Variants in RADIL observed in about 807,000 individuals in gnomAD.
The protein encoded by RADIL is Rap associating with DIL domain, also known as ras-associating and dilute domain-containing protein.
Under a neutral mutation model 97.6 loss-of-function variants are expected in RADIL, and 99 were observed. The ratio of observed to expected loss-of-function variants is 1.01; its 90% CI spans 0.86 to 1.20. RADIL has a LOEUF of 1.20. RADIL is among the 50% of genes most tolerant of loss of function. RADIL has a pLI of 0.00. For synonymous variants in RADIL, 803 were observed against 691.8 expected, an observed-to-expected ratio of 1.16 and a Z score of -2.52; for missense variants, 1,765 against 1,498.9, an observed-to-expected ratio of 1.18 and a Z score of -2.93.
chr7:4,865,706 T>C, intron 2 of RADIL: 1 of 1,018,878 alleles, frequency 9.8e-7, no homozygotes, highest in Non-Finnish European at 1.6e-6. Flanking sequence ...GCATCTGTGA[T>C]TCCATCTTCT....
In RADIL at chr7:4,834,895, C is replaced by G; in HGVS notation, c.1128G>C (p.Pro376=). The change falls in exon 4 of 15, where the codon CCG becomes CCC. Residue 376 remains proline, a synonymous_variant. Transcript: ENST00000399583. This position sits in a 1 kb window ranked among gnomAD's most constrained non-coding sequence, Gnocchi z 6.0. ...CGGCCCCGCACAGCCGGCAGCTCTG[C>G]GGCACAGCCCGGAGGCGCGCCAAGG... The part of the protein sequence containing the change: ...ARALARLRAV[P]QSCRLCGAAL... The G allele has an allele frequency of 6.8e-7, 1 of 1,474,486 alleles. No homozygotes were observed. The highest frequency in any genetic ancestry group is 1.4e-5 in the South Asian group (1 of 72,066). The allele number at this position is 1,474,486 out of a possible 1,614,324, so 91.3% of individuals were successfully genotyped here.
In RADIL at chr7:4,847,473, CAT is replaced by C. The variant is rs555057621; in HGVS notation, c.536-10870_536-10869del. ...GTTACACATGAATTTACCTGTGACT[CAT>C]AAGTTCAACTCCTAGGTATATGCCC... is the stretch of plus-strand genomic sequence containing the variant. On this transcript the variant is annotated intron_variant, in intron 2 of 14. Coordinates refer to ENST00000399583, the MANE Select transcript of RADIL (RefSeq NM_018059.5). Among the ~76,000 whole-genome samples the C allele has an allele frequency of 1.1e-4, 16 of 152,254 alleles. No individual in the cohort carries two copies. In the East Asian group the frequency reaches 2.9e-3, roughly 28 times the overall value.
chr7:4,842,492 T>C lies in RADIL; in HGVS notation c.536-5887A>G, dbSNP rs1427441541. The stretch of plus-strand genomic sequence containing the variant: ...AAGGCAGTGCCTAGTGACCCGCTGC[T>C]GGCAGAGAGGGCAGGGCTCTGCGTG... On this transcript the variant is annotated intron_variant, in intron 2 of 14. Transcript: ENST00000399583. The surrounding 1 kb of genome is among the most constrained non-coding windows in gnomAD (Gnocchi z 4.5). Among the ~76,000 whole-genome samples the C allele has an allele frequency of 2.0e-5, 3 of 152,136 alleles. No individual in the cohort carries two copies. Among genetic ancestry groups the C allele is most frequent in the Admixed American group, 6.5e-5 (1 of 15,278 alleles).
intron 12 of RADIL, 120 bp from the exon 13 acceptor site, chr7:4,800,430 C>A: frequency 9.1e-7 from 1 of 1,100,860 alleles, no homozygotes; most frequent in Non-Finnish European, 1.2e-6. Flanking sequence ...TCCTGTGGCT[C>A]CCAGGAGACG....
intron 2 of RADIL, chr7:4,865,516 G>A (rs1019683332): frequency 2.4e-5 from 19 of 781,876 alleles, no homozygotes; most frequent in Admixed American, 5.2e-5. Flanking sequence ...GCAACTATGC[G>A]CAGCCAATAT....
intron 5 of RADIL, among the ~76,000 whole-genome samples, chr7:4,831,872 G>GTAAA (rs1222765190): frequency 7.0e-6 from 1 of 142,090 alleles, no homozygotes; most frequent in Non-Finnish European, 1.6e-5. Flanking sequence ...TGGCGATAGA[G>GTAAA]CAAACAAAAC....
intron 9 of RADIL, chr7:4,808,695 G>C: frequency 1.2e-6 from 1 of 831,348 alleles, no homozygotes; most frequent in Non-Finnish European, 1.4e-6. Context: ...CCGTTCCAAC[G>C]CCACTGCCCC....
intron 9 of RADIL, among the ~76,000 whole-genome samples, chr7:4,812,091 G>C (rs1030675126): frequency 1.3e-5 from 2 of 151,778 alleles, no homozygotes; most frequent in African/African-American, 4.8e-5. Context: ...ATGTTGCCCA[G>C]GCTGGTCTTG....
At chr7:4,807,296 C>T (rs1358471052) in intron 9 of RADIL, among the ~76,000 whole-genome samples, 2 of 152,000 alleles carry the variant, frequency 1.3e-5, no homozygotes, top group African/African-American at 4.8e-5. Flanking sequence ...CACCGGCCCC[C>T]ACCACCCTCA....
rs528259551 is a variant in RADIL at position 4,835,190 on chromosome 7, C to T, written c.833G>A (p.Arg278Gln). 1.9e-6 allele frequency: 3 copies of T among 1,611,888 alleles called. No homozygotes were observed. Among genetic ancestry groups the T allele is most frequent in the Admixed American group, 1.7e-5 (1 of 59,956 alleles). Residue 278 changes from arginine to glutamine, a missense_variant, in exon 4 of 15, where the codon CGG becomes CAG. Coordinates refer to ENST00000399583, the MANE Select transcript of RADIL (RefSeq NM_018059.5). This position sits in a 1 kb window ranked among gnomAD's most constrained non-coding sequence, Gnocchi z 5.8. ...LNRDRHTVGQ[R>Q]TPSSKPSISL... ...GATGCTGGGCTTGCTGGAGGGGGTC[C>T]GCTGGCCCACCGTGTGCCGGTCCCG...
In RADIL at chr7:4,802,001, G is replaced by T; in HGVS notation, c.2500-6C>A. ...AGGACCACGTGGTGCATACCCTAGG[G>T]AGAGGAAGGGTGACAGCTCAGGTAG... On this transcript the variant is annotated splice_region_variant and splice_polypyrimidine_tract_variant and intron_variant, in intron 11 of 14. Transcript: ENST00000399583. 6.7e-7 allele frequency: 1 copy of T among 1,497,378 alleles called. No individual in the cohort carries two copies. The highest frequency in any genetic ancestry group is 8.9e-7 in the Non-Finnish European group (1 of 1,124,668). The allele number at this position is 1,497,378 out of a possible 1,614,324, so 92.8% of individuals were successfully genotyped here.
chr7:4,818,964 G>A lies in RADIL; in HGVS notation c.1616-1613C>T, dbSNP rs544074187. ...GATGGGATCTCACTATGTTGCCCAG[G>A]CTGGTCTGGAACTCCAATCTACCCG... On this transcript the variant is annotated intron_variant, in intron 6 of 14. Transcript: ENST00000399583. The surrounding 1 kb of genome is among the most constrained non-coding windows in gnomAD (Gnocchi z 7.1). Among the ~76,000 whole-genome samples the A allele has an allele frequency of 1.8e-3, 270 of 152,118 alleles. 2 individuals carry two copies. The highest frequency in any genetic ancestry group is 6.2e-3 in the African/African-American group (259 of 41,522).
At position 4,879,771 on chromosome 7, in the gene RADIL, C is replaced by T. The variant is rs955813575; in HGVS notation, c.-64-1568G>A. Among the ~76,000 whole-genome samples, 9 of 152,176 alleles carry T rather than the reference C, an allele frequency of 5.9e-5. No homozygotes were observed. Among genetic ancestry groups the T allele is most frequent in the African/African-American group, 1.9e-4 (8 of 41,440 alleles). On this transcript the variant is annotated intron_variant, in intron 1 of 14. Coordinates refer to ENST00000399583, the MANE Select transcript of RADIL (RefSeq NM_018059.5). The surrounding 1 kb of genome is among the most constrained non-coding windows in gnomAD (Gnocchi z 4.1). Reference sequence around the variant, plus strand: ...CCCTTAGGAAACTAAACAGTGGAACCGCCCCAGCCTCCAAAGCTGACACTG... The same window carrying T: ...CCCTTAGGAAACTAAACAGTGGAACTGCCCCAGCCTCCAAAGCTGACACTG...
At position 4,878,568 on chromosome 7, in the gene RADIL, G is replaced by T. The variant is rs1198340394; in HGVS notation, c.-64-365C>A. Among the ~76,000 whole-genome samples, 1 of 152,162 alleles carries T rather than the reference G, an allele frequency of 6.6e-6. No individual in the cohort carries two copies. Among genetic ancestry groups the T allele is most frequent in the Non-Finnish European group, 1.5e-5 (1 of 68,028 alleles). ...ATCTAATGGACATAACAGGCCGTGG[G>T]CATCCTGGCCCCGCAGACCTGACAC... On this transcript the variant is annotated intron_variant, in intron 1 of 14. Coordinates refer to ENST00000399583, the MANE Select transcript of RADIL (RefSeq NM_018059.5). This position sits in a 1 kb window ranked among gnomAD's most constrained non-coding sequence, Gnocchi z 4.1.
At position 4,801,950 on chromosome 7, in the gene RADIL, A is replaced by G; in HGVS notation, c.2545T>C (p.Cys849Arg). 4 of 1,559,910 alleles carry G rather than the reference A, an allele frequency of 2.6e-6. No homozygotes were observed. Among genetic ancestry groups the G allele is most frequent in the Non-Finnish European group, 3.5e-6 (4 of 1,156,678 alleles). Residue 849 changes from cysteine (C) to arginine (R), a missense_variant, in exon 12 of 15, where the codon TGC becomes CGC. Cys to Arg is a radical substitution (Grantham distance 180, BLOSUM62 -3). Transcript: ENST00000399583. The part of the protein sequence containing the change: ...VLDGHLEAPS[C>R]PLAPRDPGPA... ...CCAGGGTCCCTGGGAGCCAGGGGGC[A>G]GCTCGGGGCCTCCAGGTGCCCGTCA...
intron 2 of RADIL, chr7:4,860,464 A>G (rs1553960): frequency 0.4 from 640,226 of 1,613,522 alleles, 129,799 homozygotes; most frequent in African/African-American, 0.55. Flanking sequence ...GAATTTCAGA[A>G]TTATCTGGCT....
chr7:4,877,960 C>A lies in RADIL; in HGVS notation c.180G>T (p.Ser60=), dbSNP rs779865431. 1 of 1,611,094 alleles carries A rather than the reference C, an allele frequency of 6.2e-7. No homozygotes were observed. The highest frequency in any genetic ancestry group is 1.7e-5 in the Admixed American group (1 of 60,020). ...CAAACACCTTCAGGACACCAGGGGC[C>A]GACAGCTGGGTGGAGAGCTCGGCGG... ...DDPAELSTQL[S]APGVLKVFGD... Residue 60 remains serine (S), a synonymous_variant, in exon 2 of 15, where the codon TCG becomes TCT. Coordinates refer to ENST00000399583, the MANE Select transcript of RADIL (RefSeq NM_018059.5).
In RADIL at chr7:4,840,751, G is replaced by A. The variant is rs1009415696; in HGVS notation, c.536-4146C>T. On this transcript the variant is annotated intron_variant, in intron 2 of 14. Coordinates refer to ENST00000399583, the MANE Select transcript of RADIL (RefSeq NM_018059.5). The surrounding 1 kb of genome is among the most constrained non-coding windows in gnomAD (Gnocchi z 5.6). The stretch of plus-strand genomic sequence containing the variant: ...TGGGAGGCCGAGGCAGGTGGATCAC[G>A]AGGTCAAGAAATCAAGACCATCCTG... Among the ~76,000 whole-genome samples the A allele has an allele frequency of 1.3e-5, 2 of 152,138 alleles. No individual in the cohort carries two copies. The highest frequency in any genetic ancestry group is 6.5e-5 in the Admixed American group (1 of 15,282).
At chr7:4,831,744 C>G (rs1419735726) in intron 5 of RADIL, among the ~76,000 whole-genome samples, 1 of 151,570 alleles carries the variant, frequency 6.6e-6, no homozygotes, top group Admixed American at 6.6e-5. Flanking sequence ...AAAAATTAGC[C>G]AGGCATGGTG....
Sources: allele counts gnomAD v4.1 joint callset (sites outside exome capture counted in the v4.1 genomes callset), GRCh38; gene constraint gnomAD v4.1.1; non-coding constraint Gnocchi (gnomAD v3.1); transcripts MANE v1.5; gene names NCBI Gene and HGNC (gene_info 2026-07-23, HGNC 2026-07-21).